The following ANGPT1 variants were observed in gnomAD, a reference collection of about 807,000 sequenced individuals.
ANGPT1 encodes angiopoietin 1, also known as angiopoietin-1.
A neutral mutation model predicts 62.2 loss-of-function variants in ANGPT1; 17 were observed. The observed-to-expected ratio is 0.27, with a 90% CI of 0.19 to 0.41. The LOEUF is 0.41. Ranked by LOEUF, ANGPT1 falls within the 10% of genes least tolerant of loss-of-function variation. The pLI is 1.00. For synonymous variants in ANGPT1, 199 were observed against 198.9 expected, an observed-to-expected ratio of 1.00 and a Z score of 0.00; for missense variants, 478 against 594.9, an observed-to-expected ratio of 0.80 and a Z score of 2.04.
intron 2 of ANGPT1, among the ~76,000 whole-genome samples, chr8:107,346,595 A>G (rs1009344570): frequency 1.3e-5 from 2 of 152,198 alleles, no homozygotes; most frequent in African/African-American, 4.8e-5. Flanking sequence ...AAAACAAAAC[A>G]GGTCAAAAAT....
intron 4 of ANGPT1, 49 bp from the exon 5 acceptor site, chr8:107,303,416 A>C: frequency 6.7e-7 from 1 of 1,500,596 alleles, no homozygotes; most frequent in Non-Finnish European, 9.0e-7. Context: ...CAGTACCATT[A>C]GTAGCCAAAC....
chr8:107,490,459 G>C (rs1352329294), intron 1 of ANGPT1, among the ~76,000 whole-genome samples: 1 of 152,028 alleles, frequency 6.6e-6, no homozygotes, highest in African/African-American at 2.4e-5. Context: ...AAATTCCCTT[G>C]TTTGTGTGCC....
intron 1 of ANGPT1, among the ~76,000 whole-genome samples, chr8:107,492,869 T>C (rs948846749): frequency 2.7e-5 from 4 of 150,534 alleles, no homozygotes; most frequent in African/African-American, 9.8e-5. Flanking sequence ...CATGTGCATA[T>C]AGTATACAGA....
intron 1 of ANGPT1, among the ~76,000 whole-genome samples, chr8:107,388,409 C>T (rs763313334): frequency 6.7e-6 from 1 of 150,088 alleles, no homozygotes; most frequent in Non-Finnish European, 1.5e-5. Context: ...AGCAAGACCC[C>T]ATTTCCAAAT....
At chr8:107,365,641 G>C (rs1283661) in intron 1 of ANGPT1, among the ~76,000 whole-genome samples, 79,446 of 151,936 alleles carry the variant, frequency 0.52, 20,871 homozygotes, top group Admixed American at 0.6. Flanking sequence ...CAATGGGATT[G>C]TAAACAGGAA....
intron 1 of ANGPT1, among the ~76,000 whole-genome samples, chr8:107,364,349 C>T (rs764447469): frequency 7.2e-5 from 11 of 152,112 alleles, no homozygotes; most frequent in Non-Finnish European, 1.3e-4. Flanking sequence ...GGTGAAATCT[C>T]GACTGACTGT....
chr8:107,423,429 G>C (rs2130384474), intron 1 of ANGPT1, among the ~76,000 whole-genome samples: 1 of 152,288 alleles, frequency 6.6e-6, no homozygotes, highest in East Asian at 1.9e-4. Context: ...TCAGACAGCT[G>C]GATGGATGTG....
intron 1 of ANGPT1, among the ~76,000 whole-genome samples, chr8:107,392,041 A>T (rs1490672889): frequency 6.6e-6 from 1 of 152,132 alleles, no homozygotes; most frequent in Non-Finnish European, 1.5e-5. Context: ...TCAAAGTTGT[A>T]TTTTTAAAAA....
chr8:107,395,551 A>G (rs764151442), intron 1 of ANGPT1, among the ~76,000 whole-genome samples: 1 of 152,094 alleles, frequency 6.6e-6, no homozygotes, highest in Non-Finnish European at 1.5e-5. Context: ...GTTTTCATTG[A>G]TTTATGGAAG....
intron 7 of ANGPT1, among the ~76,000 whole-genome samples, chr8:107,283,657 C>T (rs909076683): frequency 9.2e-5 from 14 of 152,230 alleles, no homozygotes; most frequent in Admixed American, 9.2e-4. Context: ...TTACTTGAAG[C>T]AATGTGCCCA....
chr8:107,383,920 G>T (rs918187773), intron 1 of ANGPT1, among the ~76,000 whole-genome samples: 2 of 152,044 alleles, frequency 1.3e-5, no homozygotes, highest in African/African-American at 4.8e-5. Flanking sequence ...TCACCTTTCT[G>T]TAATCTAATG....
chr8:107,402,095 C>T (rs898209708), intron 1 of ANGPT1, among the ~76,000 whole-genome samples: 6 of 152,252 alleles, frequency 3.9e-5, no homozygotes, highest in African/African-American at 1.4e-4. Context: ...GCTTCATTGG[C>T]TGAAGAATGG....
At chr8:107,331,714 A>C (rs543239701) in intron 3 of ANGPT1, among the ~76,000 whole-genome samples, 1 of 152,278 alleles carries the variant, frequency 6.6e-6, no homozygotes, top group East Asian at 1.9e-4. Flanking sequence ...CCTGGCACAG[A>C]TGTTTACCTT....
At chr8:107,372,213 C>T (rs932216336) in intron 1 of ANGPT1, among the ~76,000 whole-genome samples, 5 of 152,032 alleles carry the variant, frequency 3.3e-5, no homozygotes, top group Non-Finnish European at 7.4e-5. Flanking sequence ...TTACTAGATA[C>T]CAGTAGTGCC....
At chr8:107,269,163 C>T (rs1053469979) in intron 7 of ANGPT1, among the ~76,000 whole-genome samples, 1 of 152,094 alleles carries the variant, frequency 6.6e-6, no homozygotes, top group African/African-American at 2.4e-5. Context: ...GTCTCCTGCA[C>T]AGTTCAGGGG....
At position 107,356,552 on chromosome 8, in the gene ANGPT1, T is replaced by TA. The variant is rs892447462; in HGVS notation, c.298-9456dup. On this transcript the variant is annotated intron_variant, in intron 1 of 8. Coordinates refer to ENST00000517746, the MANE Select transcript of ANGPT1 (RefSeq NM_001146.5). Reference sequence around the variant, plus strand: ...TACATTTCTTTTGTCTCCTTTAATATAAAAAAAAATAGCCTTATGGCAATG... The same window carrying TA: ...TACATTTCTTTTGTCTCCTTTAATATAAAAAAAAAATAGCCTTATGGCAATG... Among the ~76,000 whole-genome samples, 58 of 150,714 alleles carry TA rather than the reference T, an allele frequency of 3.8e-4. 1 individual carries two copies. The highest frequency in any genetic ancestry group is 3.4e-3 in the South Asian group (16 of 4,762).
At chr8:107,345,519 A>G (rs959708703) in intron 2 of ANGPT1, among the ~76,000 whole-genome samples, 1 of 152,198 alleles carries the variant, frequency 6.6e-6, no homozygotes, top group African/African-American at 2.4e-5. Flanking sequence ...AGACTCTGCC[A>G]TGTGTTCCAG....
intron 1 of ANGPT1, among the ~76,000 whole-genome samples, chr8:107,472,111 C>G (rs1443021626): frequency 6.6e-6 from 1 of 151,822 alleles, no homozygotes; most frequent in Non-Finnish European, 1.5e-5. Flanking sequence ...TAATATTTTT[C>G]TCATGATTAG....
At chr8:107,401,717 G>A (rs137930272) in intron 1 of ANGPT1, among the ~76,000 whole-genome samples, 219 of 152,160 alleles carry the variant, frequency 1.4e-3, no homozygotes, top group African/African-American at 4.9e-3. Context: ...AATTCCTTGC[G>A]GAATTCAGAT....
Sources: allele counts gnomAD v4.1 joint callset (sites outside exome capture counted in the v4.1 genomes callset), GRCh38; gene constraint gnomAD v4.1.1; transcripts MANE v1.5; gene names NCBI Gene and HGNC (gene_info 2026-07-23, HGNC 2026-07-21).